CSNK1G1: variants seen among roughly 807,000 people sequenced by gnomAD.
The protein encoded by CSNK1G1 is casein kinase I isoform gamma-1.
In CSNK1G1, 22 loss-of-function variants were observed where a neutral mutation model predicts 59.6. That is an observed-to-expected ratio of 0.37 (90% confidence interval 0.26 to 0.53). CSNK1G1 has a LOEUF of 0.53. Among genes scored for constraint, CSNK1G1 ranks in the 20% least tolerant of loss-of-function variants. CSNK1G1 has a pLI of 0.89. For missense variants in CSNK1G1, 384 were observed against 519.5 expected, an observed-to-expected ratio of 0.74 and a Z score of 2.54; for synonymous variants, 179 against 177.1, an observed-to-expected ratio of 1.01 and a Z score of -0.08.
intron 2 of CSNK1G1, among the ~76,000 whole-genome samples, chr15:64,287,585 A>C (rs1894497516): frequency 6.6e-6 from 1 of 152,170 alleles, no homozygotes; most frequent in African/African-American, 2.4e-5. Context: ...TACAGCTTTC[A>C]TCAGTATGTT....
In CSNK1G1 at chr15:64,226,274, A is replaced by C. The variant is rs12591476; in HGVS notation, c.293-9561T>G. ...GTCCTTTCCCTTTCCAAAAAGACTA[A>C]CTCGGCTGGGTGTGGTGGCTCACGC... is the stretch of plus-strand genomic sequence containing the variant. On this transcript the variant is annotated intron_variant, in intron 4 of 11. Transcript: ENST00000303052. Among the ~76,000 whole-genome samples the C allele has an allele frequency of 2.2e-4, 33 of 152,040 alleles. No homozygotes were observed. In the East Asian group the frequency reaches 6.2e-3, roughly 29 times the overall value.
chr15:64,278,418 G>A lies in CSNK1G1; in HGVS notation c.182-19177C>T, dbSNP rs867463731. Among the ~76,000 whole-genome samples the A allele has an allele frequency of 4.6e-3, 354 of 77,716 alleles. 2 individuals are homozygous for A. Among genetic ancestry groups the A allele is most frequent in the African/African-American group, 7.1e-3 (90 of 12,722 alleles). The allele number at this position is 77,716 out of a possible 152,430, so 51.0% of individuals were successfully genotyped here. A position where few individuals can be genotyped will look rare whatever the true frequency, so the allele number is the denominator to read the frequency against. On this transcript the variant is annotated intron_variant, in intron 2 of 11. Coordinates refer to ENST00000303052, the MANE Select transcript of CSNK1G1 (RefSeq NM_022048.5). ...TGTGTGTGTGTGTGTGTGTGTGTGTGTATATATATATATATTTTTTTTTTT... is the reference window on the plus strand; with the variant it reads ...TGTGTGTGTGTGTGTGTGTGTGTGTATATATATATATATATTTTTTTTTTT...
At chr15:64,179,138 T>C (rs1286615929) in intron 11 of CSNK1G1, among the ~76,000 whole-genome samples, 1 of 140,958 alleles carries the variant, frequency 7.1e-6, no homozygotes, top group Admixed American at 6.9e-5. Context: ...TTCATGACTT[T>C]GGGAGACTGA....
intron 2 of CSNK1G1, chr15:64,265,750 T>C (rs1210381204): frequency 2.2e-6 from 1 of 452,468 alleles, no homozygotes; most frequent in Non-Finnish European, 4.4e-6. Flanking sequence ...CAAAAGAAAC[T>C]GAAGAACACA....
chr15:64,315,207 C>G (rs1035496248), intron 1 of CSNK1G1, among the ~76,000 whole-genome samples: 1 of 152,208 alleles, frequency 6.6e-6, no homozygotes, highest in African/African-American at 2.4e-5. Context: ...CACATTTAAA[C>G]AGTGTCCTCA....
intron 4 of CSNK1G1, among the ~76,000 whole-genome samples, chr15:64,243,775 C>T (rs1316512899): frequency 6.6e-6 from 1 of 152,172 alleles, no homozygotes; most frequent in Non-Finnish European, 1.5e-5. Context: ...GAGGCTGAGG[C>T]AGGAGGATCA....
At position 64,188,531 on chromosome 15, in the gene CSNK1G1, G is replaced by A. The variant is rs1240502707; in HGVS notation, c.1108-8077C>T. 6 of 1,370,894 alleles carry A rather than the reference G, an allele frequency of 4.4e-6. No individual in the cohort carries two copies. Among genetic ancestry groups the A allele is most frequent in the African/African-American group, 1.4e-5 (1 of 69,584 alleles). The allele number at this position is 1,370,894 out of a possible 1,614,324, so 84.9% of individuals were successfully genotyped here. A position where few individuals can be genotyped will look rare whatever the true frequency, so the allele number is the denominator to read the frequency against. On this transcript the variant is annotated intron_variant, in intron 10 of 11. Transcript: ENST00000303052. The surrounding 1 kb of genome is among the most constrained non-coding windows in gnomAD (Gnocchi z 4.2). The stretch of plus-strand genomic sequence containing the variant: ...ATGAGAGCAAGATATGGAAGGAAAG[G>A]TGAAGCAACAGCAAGCAATAACAAA...
intron 10 of CSNK1G1, among the ~76,000 whole-genome samples, chr15:64,197,209 T>G (rs1189241645): frequency 2.0e-5 from 3 of 152,250 alleles, no homozygotes; most frequent in Admixed American, 2.0e-4. Context: ...GAGCTCTTCT[T>G]TCTCCTTCTA....
chr15:64,168,260 C>A lies in CSNK1G1; in HGVS notation c.*3671G>T, dbSNP rs2081625379. ...GACCCTGTTTATTGCTGGACAGGCT[C>A]CATAATAGCAGAAGAATGTTAATTA... On this transcript the variant is annotated 3_prime_UTR_variant, in exon 12 of 12. Coordinates refer to ENST00000303052, the MANE Select transcript of CSNK1G1 (RefSeq NM_022048.5). The A allele has an allele frequency of 6.6e-6, 1 of 152,596 alleles. No individual in the cohort carries two copies. Among genetic ancestry groups the A allele is most frequent in the South Asian group, 2.1e-4 (1 of 4,824 alleles). 9.5% of individuals were successfully genotyped at this position (152,596 alleles called of 1,614,324 possible). A position where few individuals can be genotyped will look rare whatever the true frequency, so the allele number is the denominator to read the frequency against.
At position 64,168,826 on chromosome 15, in the gene CSNK1G1, G is replaced by A. The variant is rs1272887067; in HGVS notation, c.*3105C>T. ...GGCCAATTGCATCTAGGGTACTCAG[G>A]TTTTTTGCTTATTTTTAAGGAAGAT... On this transcript the variant is annotated 3_prime_UTR_variant, in exon 12 of 12. Transcript: ENST00000303052. 1 of 152,178 alleles carries A rather than the reference G, an allele frequency of 6.6e-6. No individual in the cohort carries two copies. The highest frequency in any genetic ancestry group is 1.5e-5 in the Non-Finnish European group (1 of 68,060). 9.4% of individuals were successfully genotyped at this position (152,178 alleles called of 1,614,324 possible). A position where few individuals can be genotyped will look rare whatever the true frequency, so the allele number is the denominator to read the frequency against.
At chr15:64,332,778 T>C (rs561052399) in intron 1 of CSNK1G1, among the ~76,000 whole-genome samples, 114 of 152,124 alleles carry the variant, frequency 7.5e-4, no homozygotes, top group African/African-American at 2.7e-3. Flanking sequence ...AAATTTTTCT[T>C]GCTCATATAA....
intron 7 of CSNK1G1, among the ~76,000 whole-genome samples, chr15:64,205,818 A>C (rs2082171352): frequency 6.6e-6 from 1 of 152,216 alleles, no homozygotes; most frequent in Non-Finnish European, 1.5e-5. Flanking sequence ...TGTATATGAC[A>C]GGAGAGGAAT....
chr15:64,289,262 T>C (rs148004428), intron 2 of CSNK1G1, among the ~76,000 whole-genome samples: 10 of 152,294 alleles, frequency 6.6e-5, no homozygotes, highest in African/African-American at 2.2e-4. Context: ...CCATTCAAGA[T>C]GTCAATGCAT....
intron 4 of CSNK1G1, among the ~76,000 whole-genome samples, chr15:64,221,512 T>C (rs906054443): frequency 2.6e-5 from 4 of 152,044 alleles, no homozygotes; most frequent in African/African-American, 9.7e-5. Flanking sequence ...CACAACACAC[T>C]GGCAGGCTTT....
intron 2 of CSNK1G1, among the ~76,000 whole-genome samples, chr15:64,286,083 T>C (rs2140375669): frequency 6.6e-6 from 1 of 152,318 alleles, no homozygotes; most frequent in South Asian, 2.1e-4. Context: ...CCATGCCTTT[T>C]GTATGGTGCG....
intron 10 of CSNK1G1, among the ~76,000 whole-genome samples, chr15:64,190,876 A>AT (rs1221290938): frequency 6.6e-6 from 1 of 152,064 alleles, no homozygotes; most frequent in Non-Finnish European, 1.5e-5. Context: ...AGAACTTTTT[A>AT]TTTTTTGTAA....
intron 7 of CSNK1G1, 147 bp from the exon 8 acceptor site, chr15:64,205,096 G>A: frequency 1.8e-6 from 1 of 548,960 alleles, no homozygotes; most frequent in African/African-American, 2.0e-5. Flanking sequence ...AATAAGAAAT[G>A]TAGTAGAAAT....
At chr15:64,321,072 T>C (rs1428093438) in intron 1 of CSNK1G1, among the ~76,000 whole-genome samples, 4 of 152,100 alleles carry the variant, frequency 2.6e-5, no homozygotes, top group Non-Finnish European at 4.4e-5. Context: ...AAATTCAGAA[T>C]AGTATGATTA....
chr15:64,282,980 T>G (rs1282115931), intron 2 of CSNK1G1, among the ~76,000 whole-genome samples: 1 of 152,292 alleles, frequency 6.6e-6, no homozygotes, highest in South Asian at 2.1e-4. Context: ...CTTTGGCTTA[T>G]AGTAAGAATG....
Sources: allele counts gnomAD v4.1 joint callset (sites outside exome capture counted in the v4.1 genomes callset), GRCh38; gene constraint gnomAD v4.1.1; non-coding constraint Gnocchi (gnomAD v3.1); transcripts MANE v1.5; gene names NCBI Gene and HGNC (gene_info 2026-07-23, HGNC 2026-07-21).